The following LRP1B variants were observed in gnomAD, a reference collection of about 807,000 sequenced individuals.
LRP1B encodes the protein LDL receptor related protein 1B, also known as low-density lipoprotein receptor-related protein 1B.
Under a neutral mutation model 556.6 loss-of-function variants are expected in LRP1B, and 217 were observed. That is an observed-to-expected ratio of 0.39 (90% CI 0.35 to 0.44). The LOEUF is 0.44. LRP1B is among the 20% of genes least tolerant of loss of function. LRP1B has a pLI of 1.00. For missense variants in LRP1B, 5,053 were observed against 5,620.8 expected (o/e 0.90, Z 3.23); for synonymous variants, 2,047 against 1,865.8 (o/e 1.10, Z -2.50).
intron 3 of LRP1B, among the ~76,000 whole-genome samples, chr2:141,371,037 G>C (rs1689213018): frequency 6.6e-6 from 1 of 152,098 alleles, no homozygotes; most frequent in Non-Finnish European, 1.5e-5. Flanking sequence ...AGGCTGGAGT[G>C]CAGTGGCGTG....
intron 7 of LRP1B, among the ~76,000 whole-genome samples, chr2:141,120,894 T>C (rs1701030994): frequency 6.6e-6 from 1 of 152,004 alleles, no homozygotes; most frequent in Non-Finnish European, 1.5e-5. Flanking sequence ...AACTGCACAT[T>C]GCAGAGTCCA....
At chr2:140,986,470 G>A (rs915102214) in intron 17 of LRP1B, among the ~76,000 whole-genome samples, 6 of 152,126 alleles carry the variant, frequency 3.9e-5, no homozygotes, top group African/African-American at 1.4e-4. Flanking sequence ...CCCAGCAAGA[G>A]TGTATGACAA....
intron 5 of LRP1B, among the ~76,000 whole-genome samples, chr2:141,235,775 C>A (rs1041269895): frequency 6.6e-6 from 1 of 152,120 alleles, no homozygotes; most frequent in African/African-American, 2.4e-5. Flanking sequence ...ATATGCAGAA[C>A]ATCCCTTTGA....
intron 1 of LRP1B, among the ~76,000 whole-genome samples, chr2:141,854,721 C>T (rs978912704): frequency 1.3e-5 from 2 of 151,886 alleles, no homozygotes; most frequent in African/African-American, 4.8e-5. Context: ...TTATTAAAAA[C>T]CTAGAAATGG....
chr2:141,354,021 G>T (rs913205842), intron 3 of LRP1B, among the ~76,000 whole-genome samples: 1 of 151,910 alleles, frequency 6.6e-6, no homozygotes, highest in African/African-American at 2.4e-5. Flanking sequence ...GTAATTGAAG[G>T]CATTAGAGAA....
chr2:141,106,616 C>A lies in LRP1B; in HGVS notation c.1014-44343G>T, dbSNP rs901545380. 4.5e-4 allele frequency among the ~76,000 whole-genome samples: 69 copies of A among 152,168 alleles called. 1 individual carries two copies. Among genetic ancestry groups the A allele is most frequent in the African/African-American group, 1.6e-3 (65 of 41,526 alleles). On this transcript the variant is annotated intron_variant, in intron 7 of 90. Transcript: ENST00000389484. ...TTACATTAAGACATCAAAATGTCTA[C>A]AAATGTAATAGTTTATCATGACCTG...
intron 6 of LRP1B, among the ~76,000 whole-genome samples, chr2:141,214,134 A>T (rs1445855350): frequency 6.6e-6 from 1 of 152,216 alleles, no homozygotes; most frequent in Admixed American, 6.5e-5. Context: ...GGCTGACTGT[A>T]TTCTTTTTAC....
At chr2:141,151,619 T>G (rs1002207374) in intron 7 of LRP1B, among the ~76,000 whole-genome samples, 1 of 152,170 alleles carries the variant, frequency 6.6e-6, no homozygotes, top group African/African-American at 2.4e-5. Flanking sequence ...TTCTCTCTTT[T>G]TCAGTTCTGT....
intron 35 of LRP1B, among the ~76,000 whole-genome samples, chr2:140,764,332 A>G (rs1296160308): frequency 6.6e-6 from 1 of 152,134 alleles, no homozygotes; most frequent in Non-Finnish European, 1.5e-5. Context: ...ACAATGGTCA[A>G]AATAAACTTT....
chr2:140,330,135 G>A (rs916775952), intron 79 of LRP1B, among the ~76,000 whole-genome samples: 2 of 150,856 alleles, frequency 1.3e-5, no homozygotes, highest in Admixed American at 6.6e-5. Context: ...GGGAGGCAGA[G>A]GCTGCAGTGA....
At chr2:140,378,360 A>G in intron 67 of LRP1B, 74 bp from the exon 68 acceptor site, 1 of 747,624 alleles carries the variant, frequency 1.3e-6, no homozygotes, top group Admixed American at 2.7e-5. Flanking sequence ...GACATATGAC[A>G]TGAGGTAGCA....
rs369616264 is a variant in LRP1B, at chr2:140,789,733, C to G, written c.5360-13495G>C. Among the ~76,000 whole-genome samples, 683 of 147,016 alleles carry G rather than the reference C, an allele frequency of 4.6e-3. 7 individuals are homozygous for G. The highest frequency in any genetic ancestry group is 0.016 in the African/African-American group (661 of 40,324). ...GCAAGCTCCGCCTCCCGGGTTCACGCCATTCTCCTGCCTCAGCCTCCCAAG... is the reference window on the plus strand; with the variant it reads ...GCAAGCTCCGCCTCCCGGGTTCACGGCATTCTCCTGCCTCAGCCTCCCAAG... On this transcript the variant is annotated intron_variant, in intron 32 of 90. Coordinates refer to ENST00000389484, the MANE Select transcript of LRP1B (RefSeq NM_018557.3).
intron 57 of LRP1B, among the ~76,000 whole-genome samples, chr2:140,489,207 C>T (rs1330386197): frequency 2.6e-5 from 4 of 151,908 alleles, no homozygotes. Flanking sequence ...AAATTTTATG[C>T]TTTTATTTAG....
intron 3 of LRP1B, among the ~76,000 whole-genome samples, chr2:141,327,551 C>G (rs965702555): frequency 2.0e-5 from 3 of 152,146 alleles, no homozygotes; most frequent in African/African-American, 4.8e-5. Context: ...ACAAATTTTT[C>G]TTTCTACTAC....
chr2:140,388,741 T>C (rs76256824), intron 66 of LRP1B, among the ~76,000 whole-genome samples: 1 of 152,290 alleles, frequency 6.6e-6, no homozygotes, highest in African/African-American at 2.4e-5. Flanking sequence ...GAGACACATT[T>C]TAGAGGGGGA....
chr2:140,956,396 G>A (rs1202693443), intron 18 of LRP1B, among the ~76,000 whole-genome samples: 1 of 151,562 alleles, frequency 6.6e-6, no homozygotes. Context: ...GATTTGGGAA[G>A]GAATTAAAAA....
intron 41 of LRP1B, among the ~76,000 whole-genome samples, chr2:140,650,547 C>G (rs893202691): frequency 1.7e-4 from 26 of 152,062 alleles, no homozygotes; most frequent in African/African-American, 5.5e-4. Context: ...CGGTGTTTCA[C>G]CATGTTGGCC....
rs34512949 is a variant in LRP1B, at chr2:141,416,446, A to ATTT, written c.343+63947_343+63949dup. On this transcript the variant is annotated intron_variant, in intron 3 of 90. Coordinates refer to ENST00000389484, the MANE Select transcript of LRP1B (RefSeq NM_018557.3). ...AGTAAATTCTTAATATTTGACAGCC[A>ATTT]TTTTTTTTTTTTTTTTTTTTTTTGA... Among the ~76,000 whole-genome samples the ATTT allele has an allele frequency of 6.3e-3, 650 of 103,370 alleles. 2 individuals are homozygous for ATTT. Among genetic ancestry groups the ATTT allele is most frequent in the African/African-American group, 7.4e-3 (200 of 27,038 alleles). 67.8% of individuals were successfully genotyped at this position (103,370 alleles called of 152,430 possible). A position where few individuals can be genotyped will look rare whatever the true frequency, so the allele number is the denominator to read the frequency against.
chr2:141,642,461 AG>A (rs2105366385), intron 2 of LRP1B, among the ~76,000 whole-genome samples: 1 of 152,250 alleles, frequency 6.6e-6, no homozygotes, highest in Admixed American at 6.5e-5. Context: ...CATAAAGGCA[AG>A]GGGGAGTACT....
Sources: allele counts gnomAD v4.1 joint callset (sites outside exome capture counted in the v4.1 genomes callset), GRCh38; gene constraint gnomAD v4.1.1; transcripts MANE v1.5; gene names NCBI Gene and HGNC (gene_info 2026-07-23, HGNC 2026-07-21).